MKKS: variants seen among roughly 807,000 people sequenced by gnomAD.
The protein encoded by MKKS is molecular chaperone MKKS.
In MKKS, 29 loss-of-function variants were observed where a neutral mutation model predicts 33.2. The ratio of observed to expected loss-of-function variants is 0.87; its 90% confidence interval spans 0.65 to 1.19. The LOEUF is 1.19. Ranked by LOEUF, MKKS falls within the 50% of genes most tolerant of loss-of-function variation. MKKS has a pLI of 0.00. For synonymous variants in MKKS, 260 were observed against 244.0 expected (o/e 1.07, Z -0.61); for missense variants, 661 against 662.3 (o/e 1.00, Z 0.02).
At chr20:10,431,183 G>A (rs1288022176) in intron 1 of MKKS, among the ~76,000 whole-genome samples, 1 of 152,060 alleles carries the variant, frequency 6.6e-6, no homozygotes, top group Non-Finnish European at 1.5e-5. Context: ...CACCCCTGGA[G>A]GTTCCTGCTT....
chr20:10,428,325 C>G (rs964273782), intron 1 of MKKS, among the ~76,000 whole-genome samples: 3 of 152,274 alleles, frequency 2.0e-5, no homozygotes, highest in Middle Eastern at 3.4e-3. Context: ...GATCAGATAC[C>G]TAGATGAATG....
intron 4 of MKKS, among the ~76,000 whole-genome samples, chr20:10,408,228 C>T (rs2064856491): frequency 6.6e-6 from 1 of 152,084 alleles, no homozygotes; most frequent in African/African-American, 2.4e-5. Context: ...TATCATTTCC[C>T]TTGTATAAAA....
intron 2 of MKKS, among the ~76,000 whole-genome samples, chr20:10,420,062 C>T (rs2064968401): frequency 6.6e-6 from 1 of 151,806 alleles, no homozygotes; most frequent in Admixed American, 6.6e-5. Context: ...GGACTATAGA[C>T]CTAAATTATA....
chr20:10,416,845 A>C (rs1288232930), intron 2 of MKKS, among the ~76,000 whole-genome samples: 1 of 152,210 alleles, frequency 6.6e-6, no homozygotes, highest in African/African-American at 2.4e-5. Context: ...ATGAAGTTTT[A>C]TTGGAAAGCA....
intron 3 of MKKS, 69 bp downstream of exon 3, chr20:10,412,461 A>C (rs2064896045): frequency 9.1e-6 from 14 of 1,543,690 alleles, no homozygotes; most frequent in Admixed American, 1.7e-5. Context: ...GACACAAACC[A>C]AAAATATCTC....
rs150332233 is a variant in MKKS, at chr20:10,404,322, G to C, written c.*925C>G. 6.6e-6 allele frequency: 1 copy of C among 151,580 alleles called. No homozygotes were observed. Among genetic ancestry groups the C allele is most frequent in the African/African-American group, 2.4e-5 (1 of 41,284 alleles). The allele number at this position is 151,580 out of a possible 1,614,324, so 9.4% of individuals were successfully genotyped here. On this transcript the variant is annotated 3_prime_UTR_variant, in exon 6 of 6. Coordinates refer to ENST00000347364, the MANE Select transcript of MKKS (RefSeq NM_170784.3). Reference sequence around the variant, plus strand: ...CTTATTGTCCTTCCTTTTTCTATCAGTCTATGGTTCTCAACCAACAACAGT... The same window carrying C: ...CTTATTGTCCTTCCTTTTTCTATCACTCTATGGTTCTCAACCAACAACAGT...
intron 1 of MKKS, among the ~76,000 whole-genome samples, chr20:10,426,522 C>T (rs2065015707): frequency 6.6e-6 from 1 of 152,180 alleles, no homozygotes; most frequent in Admixed American, 6.5e-5. Context: ...ACCTCAGCCT[C>T]CCAGGTAGCT....
At chr20:10,426,451 G>C (rs768587671) in intron 1 of MKKS, among the ~76,000 whole-genome samples, 12 of 152,216 alleles carry the variant, frequency 7.9e-5, no homozygotes, top group Admixed American at 7.9e-4. Context: ...TGTTGCCCAA[G>C]GGGGAGCGTA....
In MKKS at chr20:10,416,938, G is replaced by C. The variant is rs78437804; in HGVS notation, c.-417-3007C>G. Among the ~76,000 whole-genome samples the C allele has an allele frequency of 7.0e-3, 1,072 of 152,266 alleles. 6 individuals are homozygous for C. The highest frequency in any genetic ancestry group is 0.013 in the Admixed American group (195 of 15,296). The stretch of plus-strand genomic sequence containing the variant: ...TGAAGGGTTGGTATAGACACTATAT[G>C]ATCTGCAAAGCCTAAAATATTTACT... On this transcript the variant is annotated intron_variant, in intron 2 of 5. Transcript: ENST00000347364.
chr20:10,413,080 A>G lies in MKKS; in HGVS notation c.435T>C (p.Ser145=), dbSNP rs1568666519. 6.2e-7 allele frequency: 1 copy of G among 1,614,048 alleles called. No homozygotes were observed. The highest frequency in any genetic ancestry group is 1.1e-5 in the South Asian group (1 of 91,082). ...CCAAACAAAGGAGGATCTGAGTACT[A>G]CTAAAGTCCACTGGGATTCGACAAC... ...TCGCRIPVDF[S]STQILLCLVR... The change falls in exon 3 of 6, where the codon AGT becomes AGC. Residue 145 remains serine, a synonymous_variant. Transcript: ENST00000347364.
chr20:10,427,666 T>C (rs977946911), intron 1 of MKKS, among the ~76,000 whole-genome samples: 1 of 152,278 alleles, frequency 6.6e-6, no homozygotes, highest in Non-Finnish European at 1.5e-5. Context: ...GGTCTTCAAC[T>C]GTGCTATGAA....
chr20:10,405,724 G>C, intron 5 of MKKS, 37 bp from the exon 6 acceptor site: 1 of 1,492,840 alleles, frequency 6.7e-7, no homozygotes, highest in Non-Finnish European at 9.3e-7. Flanking sequence ...CACATACAAA[G>C]CAATTAATAT....
At chr20:10,427,865 C>A (rs1215604774) in intron 1 of MKKS, among the ~76,000 whole-genome samples, 2 of 152,142 alleles carry the variant, frequency 1.3e-5, no homozygotes, top group Non-Finnish European at 2.9e-5. Flanking sequence ...CAAATCCTAC[C>A]ACCTTCCCCA....
intron 1 of MKKS, among the ~76,000 whole-genome samples, chr20:10,422,647 T>C (rs375953304): frequency 3.9e-5 from 6 of 152,168 alleles, no homozygotes; most frequent in African/African-American, 1.4e-4. Context: ...TTATATCCAG[T>C]CTCAATACTT....
In MKKS at chr20:10,403,115, T is replaced by C. The variant is rs2122216342; in HGVS notation, c.*2132A>G. 1 of 152,356 alleles carries C rather than the reference T, an allele frequency of 6.6e-6. No homozygotes were observed. The highest frequency in any genetic ancestry group is 2.1e-4 in the South Asian group (1 of 4,826). 9.4% of individuals were successfully genotyped at this position (152,356 alleles called of 1,614,324 possible). ...GTTATTGGTACGATTCAGTTCCTTT[T>C]GAGCTGTTGGCTAGAAGCCTCCCTC... On this transcript the variant is annotated 3_prime_UTR_variant, in exon 6 of 6. Coordinates refer to ENST00000347364, the MANE Select transcript of MKKS (RefSeq NM_170784.3).
intron 1 of MKKS, among the ~76,000 whole-genome samples, chr20:10,431,150 T>C (rs2065051207): frequency 6.6e-6 from 1 of 152,182 alleles, no homozygotes; most frequent in Non-Finnish European, 1.5e-5. Context: ...TATTATCTTA[T>C]ACGAATCATA....
rs762896005 is a variant in MKKS, at chr20:10,401,399, TA to T, written c.*3847del. 9 of 152,308 alleles carry T rather than the reference TA, an allele frequency of 5.9e-5. No individual in the cohort carries two copies. 9.4% of individuals were successfully genotyped at this position (152,308 alleles called of 1,614,324 possible). On this transcript the variant is annotated 3_prime_UTR_variant, in exon 6 of 6. Transcript: ENST00000347364. ...GCACTTAGCTACATGAAAAAAATTA[TA>T]AAGATATCAGATATTCAAAATTGAC...
At position 10,413,738 on chromosome 20, in the gene MKKS, C is replaced by G; in HGVS notation, c.-224G>C. The stretch of plus-strand genomic sequence containing the variant: ...AATTCCAAATATTTATTTTACTTCA[C>G]TCTTCAATACTCTTTTGTTTGCTTT... On this transcript the variant is annotated 5_prime_UTR_variant, in exon 3 of 6. Coordinates refer to ENST00000347364, the MANE Select transcript of MKKS (RefSeq NM_170784.3). 1 of 605,454 alleles carries G rather than the reference C, an allele frequency of 1.7e-6. No homozygotes were observed. The highest frequency in any genetic ancestry group is 2.9e-6 in the Non-Finnish European group (1 of 345,294). 37.5% of individuals were successfully genotyped at this position (605,454 alleles called of 1,614,324 possible). A position where few individuals can be genotyped will look rare whatever the true frequency, so the allele number is the denominator to read the frequency against.
chr20:10,422,283 A>G (rs996168846), intron 1 of MKKS, among the ~76,000 whole-genome samples: 4 of 152,146 alleles, frequency 2.6e-5, no homozygotes. Flanking sequence ...AAAGTATTTT[A>G]TGGCCTTTTC....
Sources: allele counts gnomAD v4.1 joint callset (sites outside exome capture counted in the v4.1 genomes callset), GRCh38; gene constraint gnomAD v4.1.1; transcripts MANE v1.5; gene names NCBI Gene and HGNC (gene_info 2026-07-23, HGNC 2026-07-21).